BCL2: variants seen among roughly 807,000 people sequenced by gnomAD.
The protein encoded by BCL2 is BCL2 apoptosis regulator.
Under a neutral mutation model 14.2 loss-of-function variants are expected in BCL2, and 1 was observed. That is an observed-to-expected ratio of 0.07 (90% CI 0.02 to 0.33). BCL2 has a LOEUF of 0.33. Ranked by LOEUF, BCL2 falls within the 10% of genes least tolerant of loss-of-function variation. The probability of loss-of-function intolerance (pLI) is 0.99; values close to 1 mark genes in which losing one functional copy is unlikely to be tolerated. For missense variants in BCL2, 247 were observed against 305.9 expected (o/e 0.81, Z 1.44); for synonymous variants, 151 against 137.2 (o/e 1.10, Z -0.70).
chr18:63,268,852 A>C (rs1911918276), intron 2 of BCL2, among the ~76,000 whole-genome samples: 2 of 152,210 alleles, frequency 1.3e-5, no homozygotes, highest in East Asian at 1.9e-4. Context: ...GGCCTGAAGG[A>C]AACATAGGCA....
chr18:63,258,521 A>G (rs1369246913), intron 2 of BCL2, among the ~76,000 whole-genome samples: 1 of 152,224 alleles, frequency 6.6e-6, no homozygotes, highest in African/African-American at 2.4e-5. Flanking sequence ...CACTCTGATC[A>G]TCTTTTAAAA....
At chr18:63,275,087 T>TA (rs202199299) in intron 2 of BCL2, among the ~76,000 whole-genome samples, 146 of 150,926 alleles carry the variant, frequency 9.7e-4, no homozygotes, top group Admixed American at 3.4e-3. Flanking sequence ...TCCTTTTATA[T>TA]AAAAAAAAAT....
At chr18:63,183,715 C>G (rs545644888) in intron 2 of BCL2, among the ~76,000 whole-genome samples, 1 of 152,068 alleles carries the variant, frequency 6.6e-6, no homozygotes, top group Non-Finnish European at 1.5e-5. Flanking sequence ...CTGCATGGGG[C>G]GGGGGCGGGG....
intron 2 of BCL2, among the ~76,000 whole-genome samples, chr18:63,178,766 C>T (rs1915408905): frequency 1.3e-5 from 2 of 151,922 alleles, no homozygotes; most frequent in African/African-American, 4.8e-5. Flanking sequence ...AACAAAACTC[C>T]CTCCCCTTCC....
chr18:63,155,732 G>C (rs1914762918), intron 2 of BCL2, among the ~76,000 whole-genome samples: 2 of 152,192 alleles, frequency 1.3e-5, no homozygotes, highest in African/African-American at 4.8e-5. Flanking sequence ...GAGAGGGAGG[G>C]CTGCTTGGCC....
At chr18:63,173,682 G>C (rs1915282518) in intron 2 of BCL2, among the ~76,000 whole-genome samples, 1 of 152,160 alleles carries the variant, frequency 6.6e-6, no homozygotes, top group Admixed American at 6.5e-5. Flanking sequence ...TTAAGCTCAG[G>C]AATAGATTAA....
rs1481496783 is a variant in BCL2 at position 63,127,395 on chromosome 18, A to G, written c.*1230T>C. The stretch of plus-strand genomic sequence containing the variant: ...CCCAGGGCCTCTGTTCCTTCCCTCT[A>G]CAGTGATACATGTCTTAAGAAGGGT... On this transcript the variant is annotated 3_prime_UTR_variant, in exon 3 of 3. Transcript: ENST00000333681. 1 of 235,470 alleles carries G rather than the reference A, an allele frequency of 4.2e-6. No individual in the cohort carries two copies. Among genetic ancestry groups the G allele is most frequent in the Admixed American group, 5.6e-5 (1 of 17,814 alleles). 14.6% of individuals were successfully genotyped at this position (235,470 alleles called of 1,614,324 possible).
chr18:63,230,840 T>C (rs528115027), intron 2 of BCL2, among the ~76,000 whole-genome samples: 1 of 151,494 alleles, frequency 6.6e-6, no homozygotes, highest in Admixed American at 6.6e-5. Flanking sequence ...AGAAAAACAC[T>C]AAGACAATAC....
intron 2 of BCL2, among the ~76,000 whole-genome samples, chr18:63,205,133 C>T (rs567235203): frequency 6.6e-6 from 1 of 152,166 alleles, no homozygotes; most frequent in Non-Finnish European, 1.5e-5. Flanking sequence ...AAGGCTAATA[C>T]AAGATAGAAA....
At chr18:63,305,555 G>A (rs530415031) in intron 2 of BCL2, among the ~76,000 whole-genome samples, 7 of 152,222 alleles carry the variant, frequency 4.6e-5, no homozygotes, top group Non-Finnish European at 7.4e-5. Flanking sequence ...AACAGATATG[G>A]AATTTTTTTT....
At chr18:63,260,647 C>A (rs1354563159) in intron 2 of BCL2, among the ~76,000 whole-genome samples, 1 of 151,792 alleles carries the variant, frequency 6.6e-6, no homozygotes, top group African/African-American at 2.4e-5. Context: ...TGAGGCTCTG[C>A]GTTATGAAAC....
intron 2 of BCL2, among the ~76,000 whole-genome samples, chr18:63,269,994 C>T (rs1042118340): frequency 2.6e-5 from 4 of 152,154 alleles, no homozygotes; most frequent in Middle Eastern, 6.8e-3. Context: ...CATCTAACTA[C>T]AAAAATTTAT....
At chr18:63,288,376 GC>G (rs1245456603) in intron 2 of BCL2, among the ~76,000 whole-genome samples, 2 of 152,154 alleles carry the variant, frequency 1.3e-5, no homozygotes, top group African/African-American at 4.8e-5. Context: ...ATATAACAAA[GC>G]TTTTCCTTCC....
At chr18:63,169,292 C>CT (rs1182638228) in intron 2 of BCL2, among the ~76,000 whole-genome samples, 2 of 69,776 alleles carry the variant, frequency 2.9e-5, no homozygotes, top group Non-Finnish European at 4.8e-5. Flanking sequence ...TTCTTTCTTT[C>CT]TTTCTTTCTT....
intron 2 of BCL2, among the ~76,000 whole-genome samples, chr18:63,152,991 A>C (rs1914687805): frequency 6.6e-6 from 1 of 152,100 alleles, no homozygotes; most frequent in Non-Finnish European, 1.5e-5. Flanking sequence ...AAACTATTTG[A>C]CTCAGCTTTT....
chr18:63,200,039 A>G (rs532657312), intron 2 of BCL2, among the ~76,000 whole-genome samples: 26 of 152,294 alleles, frequency 1.7e-4, no homozygotes. Flanking sequence ...TTCCAGACGT[A>G]TACCTCTGAC....
At chr18:63,295,178 A>G (rs1210480417) in intron 2 of BCL2, among the ~76,000 whole-genome samples, 1 of 151,240 alleles carries the variant, frequency 6.6e-6, no homozygotes, top group Non-Finnish European at 1.5e-5. Flanking sequence ...AAAGATAATA[A>G]TAGTAATAAT....
chr18:63,267,226 C>A (rs1019110625), intron 2 of BCL2, among the ~76,000 whole-genome samples: 1 of 152,132 alleles, frequency 6.6e-6, no homozygotes, highest in African/African-American at 2.4e-5. Context: ...CAGGGGCATT[C>A]CGTGCTTGGG....
chr18:63,317,966 G>C (rs1332192632), intron 2 of BCL2, 116 bp downstream of exon 2: 1 of 1,489,860 alleles, frequency 6.7e-7, no homozygotes, highest in African/African-American at 1.4e-5. Context: ...CAACAACTCT[G>C]ATTTTATTTC....
Sources: gnomAD v4.1 joint callset for allele counts (sites outside exome capture counted in the v4.1 genomes callset) on GRCh38, gnomAD v4.1.1 for gene constraint, MANE v1.5 for transcripts, NCBI Gene and HGNC (gene_info 2026-07-23, HGNC 2026-07-21) for gene names.